The following ARL6IP4 variants were observed in gnomAD, a reference collection of about 807,000 sequenced individuals.
The protein encoded by ARL6IP4 is ADP-ribosylation factor-like protein 6-interacting protein 4.
A neutral mutation model predicts 28.1 loss-of-function variants in ARL6IP4; 24 were observed. That is an observed-to-expected ratio of 0.86 (90% CI 0.62 to 1.20). The LOEUF is 1.20. Ranked by LOEUF, ARL6IP4 falls within the 50% of genes most tolerant of loss-of-function variation. The pLI, the probability that ARL6IP4 is intolerant of heterozygous loss-of-function variation, is 0.00. For missense variants in ARL6IP4, 343 were observed against 302.4 expected (o/e 1.13, Z -1.00); for synonymous variants, 162 against 122.3 (o/e 1.32, Z -2.14).
In ARL6IP4 at chr12:122,981,174, G is replaced by A. The variant is rs1362236341; in HGVS notation, c.35G>A (p.Ser12Asn). The change falls in exon 2 of 6, where the codon AGT (serine) becomes AAT (asparagine). Residue 12 changes from serine to asparagine, a missense_variant. By Grantham distance (46) the Ser-to-Asn change is conservative. Coordinates refer to ENST00000315580, the MANE Select transcript of ARL6IP4 (RefSeq NM_018694.4). Reference protein sequence around the residue: ...AHVGSRKRSRSRSRSRGRGSE... With the variant: ...AHVGSRKRSRNRSRSRGRGSE... ...GTCGGCTCCCGCAAGCGCTCGAGGAGTCGCAGCCGGTCCCGGGGACGGGGG... is the reference window on the plus strand; with the variant it reads ...GTCGGCTCCCGCAAGCGCTCGAGGAATCGCAGCCGGTCCCGGGGACGGGGG... 7 of 1,549,628 alleles carry A rather than the reference G, an allele frequency of 4.5e-6. No homozygotes were observed. Among genetic ancestry groups the A allele is most frequent in the Non-Finnish European group, 8.7e-7 (1 of 1,146,748 alleles).
Position 122,982,900 on chromosome 12 carries a change from CT to C in ARL6IP4, c.*225del. The C allele has an allele frequency of 1.7e-6, 1 of 599,434 alleles. No individual in the cohort carries two copies. The highest frequency in any genetic ancestry group is 2.0e-5 in the South Asian group (1 of 50,306). The allele number at this position is 599,434 out of a possible 1,614,324, so 37.1% of individuals were successfully genotyped here. A position where few individuals can be genotyped will look rare whatever the true frequency, so the allele number is the denominator to read the frequency against. Reference sequence around the variant, plus strand: ...GCACTTCTCAGCTATTAAAGGCCCCCTGGATAGACTTTCTCTGTTCTGTGGC... The same window carrying C: ...GCACTTCTCAGCTATTAAAGGCCCCCGGATAGACTTTCTCTGTTCTGTGGC... On this transcript the variant is annotated 3_prime_UTR_variant, in exon 6 of 6. Coordinates refer to ENST00000315580, the MANE Select transcript of ARL6IP4 (RefSeq NM_018694.4).
rs915593134 is a variant in ARL6IP4 at position 122,981,115 on chromosome 12, T to G, written c.-11-14T>G. 7.2e-5 allele frequency: 112 copies of G among 1,546,480 alleles called. No individual in the cohort carries two copies. Among genetic ancestry groups the G allele is most frequent in the East Asian group, 6.4e-4 (26 of 40,620 alleles). ...TTGGGGGCTTCGGCTCAAGCGCGTC[T>G]TCTTCGTCGCCAGCCCGCGGCGCCA... On this transcript the variant is annotated splice_polypyrimidine_tract_variant and intron_variant, in intron 1 of 5. Coordinates refer to ENST00000315580, the MANE Select transcript of ARL6IP4 (RefSeq NM_018694.4).
chr12:122,982,538 G>A lies in ARL6IP4; in HGVS notation c.657G>A (p.Lys219=), dbSNP rs763365226. 1 of 1,614,172 alleles carries A rather than the reference G, an allele frequency of 6.2e-7. No homozygotes were observed. The highest frequency in any genetic ancestry group is 2.2e-5 in the East Asian group (1 of 44,892). ...VTKERHREIN[K]QATRGDCLAF... is the part of the protein sequence containing the mutation. ...AAGAACGACACAGAGAGATCAACAA[G>A]GTGGGTGTGGCCCCTCTGCCTGCCA... The change falls in exon 5 of 6, where the codon AAG becomes AAA. Residue 219 remains lysine (K), a splice_region_variant and synonymous_variant. Transcript: ENST00000315580.
In ARL6IP4 at chr12:122,982,686, C is replaced by A; in HGVS notation, c.*10C>A. The A allele has an allele frequency of 6.2e-7, 1 of 1,613,168 alleles. No homozygotes were observed. The stretch of plus-strand genomic sequence containing the variant: ...TGGGTTGCTTCCCTGAGGGCCCCCG[C>A]TGGCCAAGGCCTGTGGACGACGCTG... On this transcript the variant is annotated 3_prime_UTR_variant, in exon 6 of 6. Coordinates refer to ENST00000315580, the MANE Select transcript of ARL6IP4 (RefSeq NM_018694.4).
chr12:122,980,581 G>A, upstream of ARL6IP4: 1 of 1,382,844 alleles, frequency 7.2e-7, no homozygotes, highest in South Asian at 1.6e-5. Flanking sequence ...TCTGCGGGAG[G>A]TGGGCGCGCC....
chr12:122,981,052 C>T, intron 1 of ARL6IP4, 77 bp from the exon 2 acceptor site: 1 of 1,458,526 alleles, frequency 6.9e-7, no homozygotes, highest in Non-Finnish European at 9.0e-7. Flanking sequence ...GGCCCCGGCC[C>T]CGCTAGAGCC....
Position 122,980,681 on chromosome 12 carries a change from C to G in ARL6IP4, c.-76C>G. Reference sequence around the variant, plus strand: ...CCCGCGCAGCGCCCCGGCCGGAAGCCTCCTCGCCGCCGCTTCCTCTCGAGA... The same window carrying G: ...CCCGCGCAGCGCCCCGGCCGGAAGCGTCCTCGCCGCCGCTTCCTCTCGAGA... On this transcript the variant is annotated 5_prime_UTR_variant, in exon 1 of 6. Coordinates refer to ENST00000315580, the MANE Select transcript of ARL6IP4 (RefSeq NM_018694.4). 13 of 1,346,788 alleles carry G rather than the reference C, an allele frequency of 9.7e-6. No individual in the cohort carries two copies. Among genetic ancestry groups the G allele is most frequent in the Non-Finnish European group, 1.2e-5 (13 of 1,055,206 alleles). The allele number at this position is 1,346,788 out of a possible 1,614,324, so 83.4% of individuals were successfully genotyped here. A position where few individuals can be genotyped will look rare whatever the true frequency, so the allele number is the denominator to read the frequency against.
At chr12:122,980,403 C>T (rs1337341021), upstream of ARL6IP4, 5 of 1,369,560 alleles carry the variant, frequency 3.7e-6, no homozygotes, top group Non-Finnish European at 4.7e-6. Context: ...GAGGGCAGGA[C>T]CAGCCGGGGA....
At position 122,982,519 on chromosome 12, in the gene ARL6IP4, GAC is replaced by G. The variant is rs759023993; in HGVS notation, c.642_643del (p.His214GlnfsTer51). 27 of 1,613,976 alleles carry G rather than the reference GAC, an allele frequency of 1.7e-5. No individual in the cohort carries two copies. In the African/African-American group the frequency reaches 3.2e-4, roughly 19 times the overall value. ...CTAGAGGAAATCGTAACCAAAGAAC[GAC>G]ACAGAGAGATCAACAAGGTGGGTGT... On this transcript the variant is annotated frameshift_variant, in exon 5 of 6. Transcript: ENST00000315580. LOFTEE classifies it high-confidence loss of function.
rs1478814322 is a variant in ARL6IP4, at chr12:122,981,786, AAGG to A, written c.379_381del (p.Glu127del). 19 of 1,588,634 alleles carry A rather than the reference AAGG, an allele frequency of 1.2e-5. No individual in the cohort carries two copies. The highest frequency in any genetic ancestry group is 4.5e-5 in the South Asian group (4 of 87,934). On this transcript the variant is annotated inframe_deletion, in exon 3 of 6. Transcript: ENST00000315580. Reference sequence around the variant, plus strand: ...GAGGAAGAAGCTGAAGAAGAAGGGCAAGGAGAAGGCGGAAGCACAGCAGGTGGA... The same window carrying A: ...GAGGAAGAAGCTGAAGAAGAAGGGCAAGAAGGCGGAAGCACAGCAGGTGGA...
rs1479089546 is a variant in ARL6IP4 at position 122,981,120 on chromosome 12, C to T, written c.-11-9C>T. 6.5e-7 allele frequency: 1 copy of T among 1,546,836 alleles called. No individual in the cohort carries two copies. The highest frequency in any genetic ancestry group is 8.7e-7 in the Non-Finnish European group (1 of 1,145,478). ...GGCTTCGGCTCAAGCGCGTCTTCTT[C>T]GTCGCCAGCCCGCGGCGCCATGGCT... On this transcript the variant is annotated splice_polypyrimidine_tract_variant and intron_variant, in intron 1 of 5. Transcript: ENST00000315580.
chr12:122,982,581 T>C lies in ARL6IP4; in HGVS notation c.658-39T>C, dbSNP rs752397127. On this transcript the variant is annotated intron_variant, in intron 5 of 5. Coordinates refer to ENST00000315580, the MANE Select transcript of ARL6IP4 (RefSeq NM_018694.4). ...GCCTGCCATCCGCCCCCAGCTCTGT[T>C]TGTGATGTACCCCTCCTCCTGTGTG... 5.0e-6 allele frequency: 8 copies of C among 1,613,930 alleles called. No individual in the cohort carries two copies. The African/African-American group carries it at 9.3e-5, about 19-fold the overall frequency.
chr12:122,981,418 A>G, intron 2 of ARL6IP4, 119 bp downstream of exon 2: 1 of 1,396,736 alleles, frequency 7.2e-7, no homozygotes, highest in South Asian at 1.5e-5. Flanking sequence ...TGTGAGGGCC[A>G]GGCGCCGCAG....
chr12:122,980,339 T>C, upstream of ARL6IP4: 1 of 1,306,096 alleles, frequency 7.7e-7, no homozygotes, highest in South Asian at 2.9e-5. Context: ...AGTCACTGGG[T>C]GGGCGCGTCG....
In ARL6IP4 at chr12:122,982,488, G is replaced by A. The variant is rs752048808; in HGVS notation, c.607G>A (p.Glu203Lys). ...CCCCAGGCTTATTAAGGGAGATGGC[G>A]AGGTCCTAGAGGAAATCGTAACCAA... ...GRTRLIKGDGEVLEEIVTKER... is the reference protein window; with the variant it reads ...GRTRLIKGDGKVLEEIVTKER... Residue 203 changes from glutamate (E) to lysine (K), a missense_variant, in exon 5 of 6, where the codon GAG becomes AAG. Coordinates refer to ENST00000315580, the MANE Select transcript of ARL6IP4 (RefSeq NM_018694.4). 9 of 1,613,860 alleles carry A rather than the reference G, an allele frequency of 5.6e-6. No individual in the cohort carries two copies. Among genetic ancestry groups the A allele is most frequent in the African/African-American group, 1.3e-5 (1 of 74,910 alleles).
At chr12:122,981,920 C>CA in intron 3 of ARL6IP4, 37 bp from the exon 4 acceptor site, 1 of 1,613,630 alleles carries the variant, frequency 6.2e-7, no homozygotes. Context: ...AAGGTCGCTT[C>CA]CCAAGGCCTG....
upstream of ARL6IP4, chr12:122,980,568 G>C (rs1409762513): frequency 4.4e-6 from 6 of 1,367,102 alleles, no homozygotes; most frequent in Non-Finnish European, 5.7e-6. Flanking sequence ...GCCCCTGCTT[G>C]CCTCTGCGGG....
At position 122,981,602 on chromosome 12, in the gene ARL6IP4, C is replaced by T; in HGVS notation, c.192C>T (p.Ser64=). 1 of 1,559,464 alleles carries T rather than the reference C, an allele frequency of 6.4e-7. No individual in the cohort carries two copies. Among genetic ancestry groups the T allele is most frequent in the Non-Finnish European group, 8.7e-7 (1 of 1,154,528 alleles). ...CTTCTCCCTGCATCACAGAGAGAAG[C>T]AAGCAGAAGGCCCGGAGGAGAACAA... The part of the protein sequence containing the change: ...ASPSPCITER[S]KQKARRRTRS... Residue 64 remains serine, a synonymous_variant, in exon 3 of 6, where the codon AGC becomes AGT. Coordinates refer to ENST00000315580, the MANE Select transcript of ARL6IP4 (RefSeq NM_018694.4).
intron 1 of ARL6IP4, 158 bp downstream of exon 1, chr12:122,980,903 G>A: frequency 1.5e-6 from 2 of 1,360,100 alleles, no homozygotes; most frequent in Middle Eastern, 2.4e-4. Context: ...CAGGCGTGGG[G>A]CCTCCGGGCA....
Sources: allele counts gnomAD v4.1 joint callset, GRCh38; gene constraint gnomAD v4.1.1; transcripts MANE v1.5; gene names NCBI Gene and HGNC (gene_info 2026-07-23, HGNC 2026-07-21).